The following TMEM156 variants were observed in gnomAD, a reference collection of about 807,000 sequenced individuals.
TMEM156 encodes the protein transmembrane protein 156.
A neutral mutation model predicts 30.5 loss-of-function variants in TMEM156; 28 were observed. The observed-to-expected ratio is 0.92, with a 90% confidence interval of 0.68 to 1.26. The LOEUF is 1.26. Ranked by LOEUF, TMEM156 falls within the 50% of genes most tolerant of loss-of-function variation. The probability of loss-of-function intolerance (pLI) is 0.00; values close to 1 mark genes in which losing one functional copy is unlikely to be tolerated. For missense variants in TMEM156, 351 were observed against 340.6 expected (o/e 1.03, Z -0.24); for synonymous variants, 137 against 119.9 (o/e 1.14, Z -0.93).
chr4:38,988,844 T>C lies in TMEM156; in HGVS notation c.739+7A>G. 6.2e-7 allele frequency: 1 copy of C among 1,614,014 alleles called. No individual in the cohort carries two copies. The highest frequency in any genetic ancestry group is 8.5e-7 in the Non-Finnish European group (1 of 1,179,918). On this transcript the variant is annotated splice_region_variant and intron_variant, in intron 4 of 6. Transcript: ENST00000381938. Reference sequence around the variant, plus strand: ...GAGTTCCTCGGCACTACAGGGATTATACTTACTCTGCCACTTTTGCACTCT... The same window carrying C: ...GAGTTCCTCGGCACTACAGGGATTACACTTACTCTGCCACTTTTGCACTCT...
At chr4:38,988,788 A>T (rs1712196349) in intron 4 of TMEM156, 63 bp downstream of exon 4, 1 of 1,599,454 alleles carries the variant, frequency 6.3e-7, no homozygotes, top group Non-Finnish European at 8.5e-7. Flanking sequence ...AATTGTACTA[A>T]AAAGGAAATG....
intron 1 of TMEM156, among the ~76,000 whole-genome samples, chr4:39,017,110 T>A (rs192136790): frequency 4.0e-5 from 6 of 151,716 alleles, no homozygotes; most frequent in Admixed American, 3.9e-4. Flanking sequence ...TGGGAATTAT[T>A]ACAATTGAAG....
intron 1 of TMEM156, among the ~76,000 whole-genome samples, chr4:39,019,188 A>T (rs1299925301): frequency 1.3e-5 from 2 of 151,974 alleles, no homozygotes; most frequent in African/African-American, 2.4e-5. Flanking sequence ...TATTGCCTTT[A>T]CCCTATTCTA....
intron 1 of TMEM156, among the ~76,000 whole-genome samples, chr4:39,025,549 G>A (rs1715151613): frequency 6.6e-6 from 1 of 152,174 alleles, no homozygotes; most frequent in South Asian, 2.1e-4. Context: ...AAGGGACTAC[G>A]GATTTATTCA....
chr4:39,006,813 C>T (rs192709967), intron 1 of TMEM156, among the ~76,000 whole-genome samples: 271 of 152,032 alleles, frequency 1.8e-3, no homozygotes, highest in African/African-American at 5.9e-3. Flanking sequence ...CGTGGTAGTG[C>T]GTGTCTGTGG....
chr4:38,974,065 GTGTGTGTGTGTGTGTGTGTA>G, intron 5 of TMEM156, among the ~76,000 whole-genome samples: 1 of 23,228 alleles, frequency 4.3e-5, no homozygotes, highest in African/African-American at 1.8e-4. Flanking sequence ...GTGCGTGTGT[GTGTGTGTGTGTGTGTGTGTA>G]TGTGTGTGTG....
chr4:39,031,408 C>G (rs1715495470), intron 1 of TMEM156, among the ~76,000 whole-genome samples: 1 of 152,176 alleles, frequency 6.6e-6, no homozygotes, highest in Admixed American at 6.5e-5. Context: ...ACACATACAT[C>G]TGTTTAAATT....
intron 1 of TMEM156, among the ~76,000 whole-genome samples, chr4:39,005,296 G>A (rs995194578): frequency 6.6e-6 from 1 of 152,152 alleles, no homozygotes; most frequent in African/African-American, 2.4e-5. Flanking sequence ...GGGACCTGGT[G>A]GGAGATGACT....
intron 5 of TMEM156, among the ~76,000 whole-genome samples, chr4:38,982,070 T>C (rs1711605421): frequency 6.6e-6 from 1 of 152,200 alleles, no homozygotes; most frequent in South Asian, 2.1e-4. Flanking sequence ...AAGGCAGACC[T>C]GCCCTCAATC....
At chr4:39,016,389 GA>G (rs1223528970) in intron 1 of TMEM156, among the ~76,000 whole-genome samples, 2 of 146,254 alleles carry the variant, frequency 1.4e-5, no homozygotes, top group East Asian at 4.0e-4. Flanking sequence ...AAAAAAAGAA[GA>G]AGAAAGAAAG....
intron 3 of TMEM156, among the ~76,000 whole-genome samples, chr4:38,989,259 C>T (rs1299937436): frequency 5.3e-5 from 8 of 152,186 alleles, no homozygotes; most frequent in African/African-American, 9.7e-5. Context: ...TCACTATCCT[C>T]GCTGTAACTA....
rs1178890973 is a variant in TMEM156, at chr4:38,993,788, T to C, written c.569A>G (p.Tyr190Cys). Residue 190 changes from tyrosine to cysteine, a missense_variant, in exon 3 of 7, where the codon TAC becomes TGC. Physicochemically the swap from Tyr to Cys is radical, Grantham distance 194. Coordinates refer to ENST00000381938, the MANE Select transcript of TMEM156 (RefSeq NM_024943.3). ...AGAAATGTGTATACAATCATTCGGG[T>C]ATTCCATGATTCTACAAGTGTAGTT... ...SINYTCRIME[Y>C]PNDCIHISLH... The C allele has an allele frequency of 1.2e-6, 2 of 1,613,302 alleles. No homozygotes were observed. The highest frequency in any genetic ancestry group is 3.3e-5 in the Admixed American group (2 of 60,024).
At chr4:38,970,013 C>A (rs1386832790) in intron 6 of TMEM156, among the ~76,000 whole-genome samples, 1 of 152,100 alleles carries the variant, frequency 6.6e-6, no homozygotes, top group Non-Finnish European at 1.5e-5. Context: ...CTCTTCCTAC[C>A]AACAGTGTAA....
intron 1 of TMEM156, among the ~76,000 whole-genome samples, chr4:39,019,027 A>G (rs2195632): frequency 3.8e-5 from 3 of 78,512 alleles, no homozygotes; most frequent in Non-Finnish European, 3.4e-5. Flanking sequence ...TCTTAAAAAA[A>G]CAAAACAAAA....
chr4:38,968,812 C>T (rs958086686), intron 6 of TMEM156, among the ~76,000 whole-genome samples: 4 of 152,148 alleles, frequency 2.6e-5, no homozygotes, highest in Non-Finnish European at 4.4e-5. Context: ...GAGCCATCGA[C>T]GCTGGATCCC....
chr4:38,998,111 C>T (rs1713054668), intron 2 of TMEM156, among the ~76,000 whole-genome samples: 1 of 152,124 alleles, frequency 6.6e-6, no homozygotes, highest in Admixed American at 6.5e-5. Context: ...ATATGAATTA[C>T]AGTGGCATTT....
At chr4:39,008,029 GC>G (rs978357191) in intron 1 of TMEM156, among the ~76,000 whole-genome samples, 4 of 151,778 alleles carry the variant, frequency 2.6e-5, no homozygotes, top group Admixed American at 1.3e-4. Flanking sequence ...AATTTTTATA[GC>G]TTTTGGGCTT....
At chr4:38,991,227 C>CTT (rs111885547) in intron 3 of TMEM156, among the ~76,000 whole-genome samples, 14 of 126,490 alleles carry the variant, frequency 1.1e-4, no homozygotes, top group African/African-American at 2.0e-4. Flanking sequence ...CTTTTCTTTT[C>CTT]TTTTTTTTTT....
rs73124080 is a variant in TMEM156 at position 39,020,913 on chromosome 4, C to T, written c.88+11313G>A. Among the ~76,000 whole-genome samples, 1,318 of 152,244 alleles carry T rather than the reference C, an allele frequency of 8.7e-3. 16 individuals are homozygous for T. The highest frequency in any genetic ancestry group is 0.03 in the African/African-American group (1,243 of 41,526). On this transcript the variant is annotated intron_variant, in intron 1 of 6. Coordinates refer to ENST00000381938, the MANE Select transcript of TMEM156 (RefSeq NM_024943.3). Reference sequence around the variant, plus strand: ...TAATGGCTGTACTATTTTACATTCCCACAACAGTATACAAGGGTTCCCTTT... The same window carrying T: ...TAATGGCTGTACTATTTTACATTCCTACAACAGTATACAAGGGTTCCCTTT...
Sources: allele counts gnomAD v4.1 joint callset (sites outside exome capture counted in the v4.1 genomes callset), GRCh38; gene constraint gnomAD v4.1.1; transcripts MANE v1.5; gene names NCBI Gene and HGNC (gene_info 2026-07-23, HGNC 2026-07-21).